The following ADAMTSL1 variants were observed in gnomAD, a reference collection of about 807,000 sequenced individuals.
The protein encoded by ADAMTSL1 is ADAMTS like 1.
A neutral mutation model predicts 201.8 loss-of-function variants in ADAMTSL1; 126 were observed. The ratio of observed to expected loss-of-function variants is 0.62; its 90% CI spans 0.54 to 0.72. The LOEUF is 0.72. Ranked by LOEUF, ADAMTSL1 falls within the 30% of genes least tolerant of loss-of-function variation. The pLI, the probability that ADAMTSL1 is intolerant of heterozygous loss-of-function variation, is 0.00. For synonymous variants in ADAMTSL1, 1,121 were observed against 903.4 expected, an observed-to-expected ratio of 1.24 and a Z score of -4.32; for missense variants, 2,679 against 2,277.8, an observed-to-expected ratio of 1.18 and a Z score of -3.59.
chr9:18,803,406 A>T (rs1272638325), intron 20 of ADAMTSL1, among the ~76,000 whole-genome samples: 1 of 152,208 alleles, frequency 6.6e-6, no homozygotes, highest in Non-Finnish European at 1.5e-5. Flanking sequence ...TGATATTAAG[A>T]GCTCACATGA....
chr9:18,169,680 A>T (rs931783492), intron 2 of ADAMTSL1, among the ~76,000 whole-genome samples: 1 of 152,246 alleles, frequency 6.6e-6, no homozygotes, highest in Non-Finnish European at 1.5e-5. Flanking sequence ...TGGTAGCTTG[A>T]TGGAGATGGC....
chr9:18,338,054 A>G lies in ADAMTSL1; in HGVS notation c.208-166775A>G, dbSNP rs148831102. On this transcript the variant is annotated intron_variant, in intron 2 of 29. Coordinates refer to the ADAMTSL1 transcript ENST00000680146. The stretch of plus-strand genomic sequence containing the variant: ...TCCTGAGGATCAATGGAGAAAAACC[A>G]TACAACTTTGTTGATTACTTTCACT... Among the ~76,000 whole-genome samples the G allele has an allele frequency of 6.0e-3, 912 of 152,218 alleles. 10 individuals are homozygous for G. Among genetic ancestry groups the G allele is most frequent in the African/African-American group, 0.021 (883 of 41,536 alleles).
intron 3 of ADAMTSL1, among the ~76,000 whole-genome samples, chr9:18,564,179 A>C (rs1821727740): frequency 6.6e-6 from 1 of 152,148 alleles, no homozygotes; most frequent in African/African-American, 2.4e-5. Context: ...GCGCATTGCA[A>C]AGACTGTGGG....
intron 4 of ADAMTSL1, among the ~76,000 whole-genome samples, chr9:18,577,261 G>A (rs921264581): frequency 6.6e-6 from 1 of 152,128 alleles, no homozygotes; most frequent in Admixed American, 6.5e-5. Flanking sequence ...TGAGGAGGGC[G>A]GATCACTCGA....
intron 2 of ADAMTSL1, among the ~76,000 whole-genome samples, chr9:18,224,843 T>C (rs1222473991): frequency 2.0e-5 from 3 of 152,164 alleles, no homozygotes; most frequent in Non-Finnish European, 2.9e-5. Context: ...CTTCACCATA[T>C]AATTATTTTG....
chr9:18,660,751 T>C (rs921196406), intron 8 of ADAMTSL1, among the ~76,000 whole-genome samples: 1 of 152,210 alleles, frequency 6.6e-6, no homozygotes, highest in Non-Finnish European at 1.5e-5. Context: ...AAAGTGTTCT[T>C]ATCCATTGCT....
intron 1 of ADAMTSL1, among the ~76,000 whole-genome samples, chr9:18,004,369 G>A (rs1162237725): frequency 6.6e-6 from 1 of 151,998 alleles, no homozygotes; most frequent in African/African-American, 2.4e-5. Flanking sequence ...AGCAGATTCA[G>A]AGCTCCTTCT....
intron 23 of ADAMTSL1, among the ~76,000 whole-genome samples, chr9:18,868,849 G>A (rs1252619772): frequency 6.6e-6 from 1 of 152,112 alleles, no homozygotes; most frequent in Non-Finnish European, 1.5e-5. Flanking sequence ...AATTTGTCTA[G>A]ACTATTGTGC....
At chr9:17,943,584 G>A (rs1827331168) in intron 1 of ADAMTSL1, among the ~76,000 whole-genome samples, 1 of 152,000 alleles carries the variant, frequency 6.6e-6, no homozygotes, top group African/African-American at 2.4e-5. Context: ...GGTATGAATA[G>A]CTTATGAGCT....
chr9:18,903,824 G>A (rs1333197203), intron 26 of ADAMTSL1, among the ~76,000 whole-genome samples: 1 of 151,298 alleles, frequency 6.6e-6, no homozygotes, highest in Non-Finnish European at 1.5e-5. Context: ...CCACATACAT[G>A]GGTTTCACAT....
At chr9:18,904,871 C>A (rs1830215134) in intron 26 of ADAMTSL1, among the ~76,000 whole-genome samples, 1 of 151,488 alleles carries the variant, frequency 6.6e-6, no homozygotes, top group South Asian at 2.1e-4. Context: ...GCTACTTTTA[C>A]CTTAAATCCT....
chr9:18,738,192 T>C (rs1473033438), intron 15 of ADAMTSL1, among the ~76,000 whole-genome samples: 1 of 152,222 alleles, frequency 6.6e-6, no homozygotes, highest in East Asian at 1.9e-4. Flanking sequence ...TATTTTTCAC[T>C]AGGATAAGAA....
At chr9:17,924,073 G>T (rs1225855121) in intron 1 of ADAMTSL1, among the ~76,000 whole-genome samples, 1 of 139,236 alleles carries the variant, frequency 7.2e-6, no homozygotes, top group East Asian at 2.1e-4. Context: ...CAAGGATATT[G>T]GTCTAAAATT....
At chr9:18,051,779 G>A (rs1821953033) in intron 1 of ADAMTSL1, among the ~76,000 whole-genome samples, 1 of 152,144 alleles carries the variant, frequency 6.6e-6, no homozygotes, top group African/African-American at 2.4e-5. Flanking sequence ...CTGACACAGC[G>A]ATGCCATTTC....
chr9:18,098,671 A>G (rs138102585), intron 1 of ADAMTSL1, among the ~76,000 whole-genome samples: 1 of 152,270 alleles, frequency 6.6e-6, no homozygotes, highest in East Asian at 1.9e-4. Flanking sequence ...TTCATTTCCT[A>G]TCTATAAGCC....
At chr9:18,619,999 G>T (rs1175546166) in intron 4 of ADAMTSL1, among the ~76,000 whole-genome samples, 1 of 149,302 alleles carries the variant, frequency 6.7e-6, no homozygotes, top group East Asian at 2.0e-4. Context: ...AAGGCAATTA[G>T]GTTATCAGTT....
intron 1 of ADAMTSL1, among the ~76,000 whole-genome samples, chr9:17,922,231 CAGTGGGGTG>C (rs928996396): frequency 2.0e-4 from 30 of 151,998 alleles, no homozygotes; most frequent in African/African-American, 7.0e-4. Flanking sequence ...ATTTTGGGGG[CAGTGGGGTG>C]AGTAGCGCAC....
At chr9:17,922,354 CTAAG>C (rs1588419969) in intron 1 of ADAMTSL1, among the ~76,000 whole-genome samples, 1 of 152,002 alleles carries the variant, frequency 6.6e-6, no homozygotes, top group Non-Finnish European at 1.5e-5. Context: ...TTCAGTGTGC[CTAAG>C]TCAGTTGTGC....
chr9:18,370,083 C>T (rs1198481097), intron 2 of ADAMTSL1, among the ~76,000 whole-genome samples: 1 of 152,038 alleles, frequency 6.6e-6, no homozygotes, highest in Non-Finnish European at 1.5e-5. Context: ...AGTTTGAGAC[C>T]AGCCTGGCCA....
Sources: gnomAD v4.1 joint callset for allele counts (sites outside exome capture counted in the v4.1 genomes callset) on GRCh38, gnomAD v4.1.1 for gene constraint, MANE v1.5 for transcripts, NCBI Gene and HGNC (gene_info 2026-07-23, HGNC 2026-07-21) for gene names.